MRTFA: variants seen among roughly 807,000 people sequenced by gnomAD.
MRTFA encodes the protein myocardin-related transcription factor A.
MRTFA carries 20 observed loss-of-function variants against 83.5 expected under a neutral mutation model. The ratio of observed to expected loss-of-function variants is 0.24; its 90% confidence interval spans 0.17 to 0.35. MRTFA has a LOEUF of 0.35. MRTFA is among the 10% of genes least tolerant of loss of function. MRTFA has a pLI of 1.00. For missense variants in MRTFA, 1,200 were observed against 1,224.7 expected (o/e 0.98, Z 0.30); for synonymous variants, 659 against 541.2 (o/e 1.22, Z -3.02).
chr22:40,626,425 T>A (rs983213367), intron 1 of MRTFA, among the ~76,000 whole-genome samples: 3 of 152,164 alleles, frequency 2.0e-5, no homozygotes, highest in African/African-American at 4.8e-5. Context: ...CCAGAGTAGC[T>A]GGGATTATCG....
intron 4 of MRTFA, among the ~76,000 whole-genome samples, chr22:40,452,759 T>C (rs1043754905): frequency 4.0e-5 from 6 of 149,278 alleles, no homozygotes; most frequent in Admixed American, 6.8e-5. Context: ...TGAGCCAAGA[T>C]TGCCCCACTG....
At chr22:40,636,434 A>AGGCCGCGGTGGGGGAGGGGTTG (rs2056701611) in intron 1 of MRTFA, 44 bp downstream of exon 1, 1 of 152,006 alleles carries the variant, frequency 6.6e-6, no homozygotes, top group African/African-American at 2.4e-5. Flanking sequence ...AGGCGGGGCG[A>AGGCCGCGGTGGGGGAGGGGTTG]GGCCGCGGTG....
At chr22:40,619,608 G>A (rs755355266) in intron 1 of MRTFA, among the ~76,000 whole-genome samples, 2 of 152,022 alleles carry the variant, frequency 1.3e-5, no homozygotes, top group Admixed American at 1.3e-4. Flanking sequence ...AAAAGAAATT[G>A]GCCGGGTGCG....
chr22:40,546,952 G>A (rs186960389), intron 3 of MRTFA, among the ~76,000 whole-genome samples: 50 of 152,168 alleles, frequency 3.3e-4, no homozygotes, highest in Admixed American at 1.6e-3. Context: ...TCAGGAGATC[G>A]AGACCATCCT....
chr22:40,485,463 G>A (rs2054160450), intron 3 of MRTFA, among the ~76,000 whole-genome samples: 1 of 152,180 alleles, frequency 6.6e-6, no homozygotes, highest in African/African-American at 2.4e-5. Context: ...CCAATGGTGT[G>A]TGAAGGCGGG....
At chr22:40,462,113 C>T (rs1434225357) in intron 4 of MRTFA, among the ~76,000 whole-genome samples, 1 of 152,236 alleles carries the variant, frequency 6.6e-6, no homozygotes, top group Non-Finnish European at 1.5e-5. Flanking sequence ...TTCGAAGTGA[C>T]TCCATCTTAT....
At chr22:40,614,432 T>C (rs1022149607) in intron 1 of MRTFA, among the ~76,000 whole-genome samples, 1 of 151,692 alleles carries the variant, frequency 6.6e-6, no homozygotes, top group African/African-American at 2.4e-5. Context: ...AAAAATATTA[T>C]ATTTCCCTTG....
rs1261144482 is a variant in MRTFA, at chr22:40,459,782, T to TATAC, written c.307+3438_307+3439insGTAT. On this transcript the variant is annotated intron_variant, in intron 4 of 14. Transcript: ENST00000355630. ...CACTGGGGACGGGACTGATAAAATA[T>TATAC]ACACACACACACACACACACACACA... Among the ~76,000 whole-genome samples, 350 of 88,902 alleles carry TATAC rather than the reference T, an allele frequency of 3.9e-3. 2 individuals carry two copies. The highest frequency in any genetic ancestry group is 0.013 in the Middle Eastern group (2 of 154). 58.3% of individuals were successfully genotyped at this position (88,902 alleles called of 152,430 possible).
At chr22:40,565,963 A>G (rs1386245044) in intron 2 of MRTFA, among the ~76,000 whole-genome samples, 2 of 152,182 alleles carry the variant, frequency 1.3e-5, no homozygotes, top group African/African-American at 4.8e-5. Flanking sequence ...AGACACTGAG[A>G]GGTTAAATAC....
At chr22:40,536,392 G>A (rs1427605064) in intron 3 of MRTFA, among the ~76,000 whole-genome samples, 4 of 151,426 alleles carry the variant, frequency 2.6e-5, no homozygotes, top group South Asian at 2.1e-4. Flanking sequence ...AGTCTTTGCC[G>A]CGGCGCCGGC....
intron 4 of MRTFA, among the ~76,000 whole-genome samples, chr22:40,458,726 G>A (rs7286845): frequency 3.5e-4 from 54 of 152,162 alleles, no homozygotes; most frequent in African/African-American, 1.3e-3. Flanking sequence ...TCGGCTTGAG[G>A]GCTCTGCCTA....
intron 2 of MRTFA, among the ~76,000 whole-genome samples, chr22:40,576,283 G>T (rs1254944456): frequency 2.0e-5 from 3 of 151,966 alleles, no homozygotes; most frequent in Admixed American, 6.6e-5. Context: ...CACCTGCCTT[G>T]GCCTCCCAAA....
intron 3 of MRTFA, chr22:40,533,701 G>C: frequency 1.9e-6 from 2 of 1,027,286 alleles, no homozygotes; most frequent in South Asian, 9.9e-5. Flanking sequence ...CAGGAGAAAA[G>C]CTGTCTTGAA....
chr22:40,441,618 C>T lies in MRTFA; in HGVS notation c.308-6064G>A, dbSNP rs151033801. On this transcript the variant is annotated intron_variant, in intron 4 of 14. Transcript: ENST00000355630. ...TGGCCAACATGGTGAAACCACCCCC[C>T]ACTACTAAAAATACAAAAATTAGCT... Among the ~76,000 whole-genome samples, 10 of 152,164 alleles carry T rather than the reference C, an allele frequency of 6.6e-5. No individual in the cohort carries two copies. In the East Asian group the frequency reaches 1.5e-3, roughly 24 times the overall value.
intron 2 of MRTFA, among the ~76,000 whole-genome samples, chr22:40,582,657 TAC>T (rs559092053): frequency 1.3e-3 from 193 of 143,636 alleles, no homozygotes; most frequent in African/African-American, 5.2e-3. Flanking sequence ...TTTAACTTTA[TAC>T]ACACATACAC....
intron 3 of MRTFA, among the ~76,000 whole-genome samples, chr22:40,524,609 C>T (rs1404687746): frequency 6.6e-6 from 1 of 152,158 alleles, no homozygotes; most frequent in Non-Finnish European, 1.5e-5. Context: ...TCAGAGGGAA[C>T]AGTTTAATGA....
intron 2 of MRTFA, among the ~76,000 whole-genome samples, chr22:40,575,805 TA>T (rs888539548): frequency 2.6e-5 from 4 of 152,184 alleles, no homozygotes; most frequent in Non-Finnish European, 4.4e-5. Flanking sequence ...AAACTGCAAT[TA>T]TTTTTTTGCC....
intron 5 of MRTFA, 24 bp from the exon 6 acceptor site, chr22:40,431,504 ACT>A (rs756067530): frequency 6.8e-6 from 11 of 1,610,394 alleles, no homozygotes; most frequent in Non-Finnish European, 9.3e-6. Flanking sequence ...ACACCAAGAA[ACT>A]CTCAAATCCA....
intron 3 of MRTFA, among the ~76,000 whole-genome samples, chr22:40,514,919 T>TC (rs2054731553): frequency 6.6e-6 from 1 of 151,026 alleles, no homozygotes. Flanking sequence ...CCTTTTTTTT[T>TC]TTTTTTTGAG....
Sources: allele counts gnomAD v4.1 joint callset (sites outside exome capture counted in the v4.1 genomes callset), GRCh38; gene constraint gnomAD v4.1.1; transcripts MANE v1.5; gene names NCBI Gene and HGNC (gene_info 2026-07-23, HGNC 2026-07-21).